The following CDH13 variants were observed in gnomAD, a reference collection of about 807,000 sequenced individuals.
CDH13 encodes the protein cadherin-13.
A neutral mutation model predicts 63.8 loss-of-function variants in CDH13; 24 were observed. That is an observed-to-expected ratio of 0.38 (90% CI 0.27 to 0.53). CDH13 has a LOEUF of 0.53. Among genes scored for constraint, CDH13 ranks in the 20% least tolerant of loss-of-function variants. The pLI, the probability that CDH13 is intolerant of heterozygous loss-of-function variation, is 0.85. For synonymous variants in CDH13, 503 were observed against 355.3 expected, an observed-to-expected ratio of 1.42 and a Z score of -4.67; for missense variants, 1,049 against 903.1, an observed-to-expected ratio of 1.16 and a Z score of -2.07.
At chr16:83,482,950 C>A (rs1278685641) in intron 6 of CDH13, among the ~76,000 whole-genome samples, 1 of 152,182 alleles carries the variant, frequency 6.6e-6, no homozygotes, top group African/African-American at 2.4e-5. Context: ...TGGCTCAGAA[C>A]CCAGGACAGA....
chr16:83,157,743 A>T (rs891321779), intron 4 of CDH13, among the ~76,000 whole-genome samples: 18 of 77,600 alleles, frequency 2.3e-4, no homozygotes, highest in African/African-American at 1.2e-3. Flanking sequence ...AAATATAAAA[A>T]AAAAAAAAAA....
At chr16:82,930,924 G>C (rs180930933) in intron 2 of CDH13, among the ~76,000 whole-genome samples, 2 of 152,336 alleles carry the variant, frequency 1.3e-5, no homozygotes, top group South Asian at 2.1e-4. Context: ...TTTACCTGCA[G>C]ACTCTAATGT....
At chr16:83,319,408 G>A (rs778820639) in intron 5 of CDH13, among the ~76,000 whole-genome samples, 11 of 152,138 alleles carry the variant, frequency 7.2e-5, no homozygotes, top group African/African-American at 1.9e-4. Context: ...AGCCAGAGAC[G>A]GAAAGCAGCT....
chr16:82,642,770 T>C lies in CDH13; in HGVS notation c.45+15633T>C, dbSNP rs143203246. Among the ~76,000 whole-genome samples the C allele has an allele frequency of 3.8e-3, 573 of 152,298 alleles. 1 individual carries two copies. The highest frequency in any genetic ancestry group is 0.013 in the African/African-American group (541 of 41,558). On this transcript the variant is annotated intron_variant, in intron 1 of 13. Coordinates refer to ENST00000567109, the MANE Select transcript of CDH13 (RefSeq NM_001257.5). ...GGTGCTGATTTTGAACCAGGCCTGG[T>C]GTGAGTGCTTCAGATGCATTAATCA...
chr16:83,374,417 A>G (rs1385895493), intron 6 of CDH13, among the ~76,000 whole-genome samples: 1 of 152,170 alleles, frequency 6.6e-6, no homozygotes, highest in Non-Finnish European at 1.5e-5. Flanking sequence ...GCATGCCTTT[A>G]AAGAGACCAT....
At chr16:83,285,177 A>G (rs2089278414) in intron 5 of CDH13, among the ~76,000 whole-genome samples, 1 of 152,178 alleles carries the variant, frequency 6.6e-6, no homozygotes, top group Admixed American at 6.5e-5. Flanking sequence ...AAGAGAGAAA[A>G]TGTTCTTATT....
At chr16:83,793,242 T>G (rs886185040) in intron 13 of CDH13, among the ~76,000 whole-genome samples, 3 of 152,182 alleles carry the variant, frequency 2.0e-5, no homozygotes, top group African/African-American at 7.2e-5. Flanking sequence ...TCTGCTGGAA[T>G]TGCACAGACA....
chr16:82,673,562 T>G (rs892945169), intron 1 of CDH13, among the ~76,000 whole-genome samples: 1 of 151,998 alleles, frequency 6.6e-6, no homozygotes, highest in East Asian at 1.9e-4. Flanking sequence ...GAGCATGAGA[T>G]AAATAATTCT....
At chr16:83,505,064 G>A (rs1404087184) in intron 7 of CDH13, among the ~76,000 whole-genome samples, 1 of 152,126 alleles carries the variant, frequency 6.6e-6, no homozygotes, top group Non-Finnish European at 1.5e-5. Flanking sequence ...CACCACCTCT[G>A]TCTTTGCCTG....
intron 6 of CDH13, among the ~76,000 whole-genome samples, chr16:83,455,069 C>A (rs77067368): frequency 0.2 from 30,800 of 152,112 alleles, 3,194 homozygotes; most frequent in Middle Eastern, 0.27. Flanking sequence ...TCTTTAAAAT[C>A]GGAGCCATTG....
chr16:82,959,431 C>T (rs1403994960), intron 2 of CDH13, among the ~76,000 whole-genome samples: 1 of 152,174 alleles, frequency 6.6e-6, no homozygotes, highest in Non-Finnish European at 1.5e-5. Context: ...CCATGGATGT[C>T]TGAATGGCTT....
At chr16:82,662,946 C>G (rs564339681) in intron 1 of CDH13, among the ~76,000 whole-genome samples, 6 of 152,124 alleles carry the variant, frequency 3.9e-5, no homozygotes, top group African/African-American at 1.4e-4. Flanking sequence ...TATGACAAAT[C>G]GGTACATTGA....
chr16:83,429,707 C>G (rs1408134041), intron 6 of CDH13, among the ~76,000 whole-genome samples: 1 of 152,240 alleles, frequency 6.6e-6, no homozygotes, highest in African/African-American at 2.4e-5. Flanking sequence ...TTGGCAAGCA[C>G]AGGCCCTTTT....
chr16:83,248,205 C>G (rs1296978628), intron 5 of CDH13, among the ~76,000 whole-genome samples: 1 of 151,922 alleles, frequency 6.6e-6, no homozygotes, highest in Non-Finnish European at 1.5e-5. Context: ...GGGAGAGCAT[C>G]AAGGAGGGGA....
chr16:83,780,201 A>G lies in CDH13; in HGVS notation c.1915A>G (p.Asn639Asp). The part of the protein sequence containing the change: ...DKVWKISKIN[N>D]THALVSLLQN... The stretch of plus-strand genomic sequence containing the variant: ...AGTCTGGAAGATCTCCAAGATCAAC[A>G]GTAAGTCTGGCTAAAGCATTTCTGC... The change falls in exon 12 of 14, where the codon AAT (asparagine) becomes GAT (aspartate). Residue 639 changes from asparagine (N) to aspartate (D), a missense_variant and splice_region_variant. Physicochemically the swap from Asn to Asp is conservative, Grantham distance 23 (BLOSUM62 1). Coordinates refer to ENST00000567109, the MANE Select transcript of CDH13 (RefSeq NM_001257.5). 1 of 1,576,460 alleles carries G rather than the reference A, an allele frequency of 6.3e-7. No individual in the cohort carries two copies. The highest frequency in any genetic ancestry group is 1.1e-5 in the South Asian group (1 of 87,306).
intron 2 of CDH13, among the ~76,000 whole-genome samples, chr16:83,027,101 G>GCCCCCCCCCCCC (rs1386342125): frequency 2.3e-4 from 27 of 118,614 alleles, no homozygotes; most frequent in Non-Finnish European, 3.8e-4. Flanking sequence ...ACAGAAGGGA[G>GCCCCCCCCCCCC]ACCCCCCCCC....
At chr16:83,683,544 T>C (rs1262911755) in intron 10 of CDH13, among the ~76,000 whole-genome samples, 3 of 152,196 alleles carry the variant, frequency 2.0e-5, no homozygotes, top group Non-Finnish European at 4.4e-5. Flanking sequence ...TCCCAAGAAA[T>C]AGCCATTATT....
At chr16:82,816,692 T>C (rs1291040905) in intron 1 of CDH13, among the ~76,000 whole-genome samples, 1 of 135,958 alleles carries the variant, frequency 7.4e-6, no homozygotes, top group Non-Finnish European at 1.5e-5. Flanking sequence ...AAGATGAACT[T>C]CAAAAACGAA....
At chr16:83,500,314 C>T (rs375225625) in intron 7 of CDH13, among the ~76,000 whole-genome samples, 499 of 1,438 alleles carry the variant, frequency 0.35, 233 homozygotes, top group Middle Eastern at 1. Flanking sequence ...TTCTCCTTCT[C>T]CTTCTCCTCC....
Sources: gnomAD v4.1 joint callset for allele counts (sites outside exome capture counted in the v4.1 genomes callset) on GRCh38, gnomAD v4.1.1 for gene constraint, MANE v1.5 for transcripts, NCBI Gene and HGNC (gene_info 2026-07-23, HGNC 2026-07-21) for gene names.